Variants in CNTNAP5 observed in about 807,000 individuals in gnomAD.
CNTNAP5 encodes the protein contactin-associated protein-like 5.
Under a neutral mutation model 150.2 loss-of-function variants are expected in CNTNAP5, and 72 were observed. That is an observed-to-expected ratio of 0.48 (90% CI 0.40 to 0.58). The LOEUF is 0.58. Ranked by LOEUF, CNTNAP5 falls within the 20% of genes least tolerant of loss-of-function variation. CNTNAP5 has a pLI of 0.00. For synonymous variants in CNTNAP5, 672 were observed against 619.8 expected (o/e 1.08, Z -1.25); for missense variants, 1,636 against 1,626.2 (o/e 1.01, Z -0.10).
At chr2:124,892,019 A>G (rs1057508086) in intron 21 of CNTNAP5, among the ~76,000 whole-genome samples, 1 of 152,112 alleles carries the variant, frequency 6.6e-6, no homozygotes, top group African/African-American at 2.4e-5. Flanking sequence ...AGGCTATCTA[A>G]GGCTACAGTC....
intron 3 of CNTNAP5, among the ~76,000 whole-genome samples, chr2:124,367,132 T>G (rs7591043): frequency 0.22 from 33,909 of 152,116 alleles, 4,000 homozygotes; most frequent in Middle Eastern, 0.26. Context: ...GAAGGATAAT[T>G]ATTAGTTTCA....
In CNTNAP5 at chr2:124,865,334, C is replaced by T; in HGVS notation, c.3246C>T (p.Asn1082=). Reference sequence around the variant, plus strand: ...GCTTACAGGTTCGCTATCACCTAAACAAGGAAGAAACCCATGTATTCACCA... The same window carrying T: ...GCTTACAGGTTCGCTATCACCTAAATAAGGAAGAAACCCATGTATTCACCA... ...NGSLQVRYHL[N]KEETHVFTID... The change falls in exon 20 of 24, where the codon AAC becomes AAT. Residue 1082 remains asparagine, a synonymous_variant. Transcript: ENST00000682447. The T allele has an allele frequency of 1.3e-6, 2 of 1,564,962 alleles. No homozygotes were observed. Among genetic ancestry groups the T allele is most frequent in the Non-Finnish European group, 1.7e-6 (2 of 1,153,192 alleles).
At chr2:124,334,068 C>T (rs974231072) in intron 3 of CNTNAP5, among the ~76,000 whole-genome samples, 1 of 152,018 alleles carries the variant, frequency 6.6e-6, no homozygotes, top group Non-Finnish European at 1.5e-5. Flanking sequence ...AGCTTCAGAC[C>T]TCAGTGGATG....
At chr2:124,410,360 A>G (rs1241456890) in intron 3 of CNTNAP5, among the ~76,000 whole-genome samples, 2 of 151,836 alleles carry the variant, frequency 1.3e-5, no homozygotes, top group Non-Finnish European at 2.9e-5. Flanking sequence ...AATTGAACTC[A>G]GCTCTGCACC....
chr2:124,107,201 C>T (rs1683188348), intron 1 of CNTNAP5, among the ~76,000 whole-genome samples: 1 of 152,156 alleles, frequency 6.6e-6, no homozygotes, highest in South Asian at 2.1e-4. Flanking sequence ...CCACTATGCT[C>T]TCAGGGCTGG....
At chr2:124,820,484 T>A in intron 19 of CNTNAP5, among the ~76,000 whole-genome samples, 1 of 145,302 alleles carries the variant, frequency 6.9e-6, no homozygotes, top group Non-Finnish European at 1.5e-5. Context: ...AAAAAAACAA[T>A]AAAAATGCAG....
At chr2:124,293,780 G>A (rs1427624218) in intron 3 of CNTNAP5, among the ~76,000 whole-genome samples, 1 of 151,890 alleles carries the variant, frequency 6.6e-6, no homozygotes, top group Non-Finnish European at 1.5e-5. Flanking sequence ...AATTGTCCTA[G>A]TAAAACACCC....
intron 13 of CNTNAP5, among the ~76,000 whole-genome samples, chr2:124,685,060 C>T (rs879003018): frequency 1.3e-5 from 2 of 152,226 alleles, no homozygotes; most frequent in Admixed American, 6.5e-5. Flanking sequence ...AATTAAAACT[C>T]TTCAAAGTAC....
chr2:124,243,684 A>G (rs531722756), intron 3 of CNTNAP5, among the ~76,000 whole-genome samples: 16 of 152,258 alleles, frequency 1.1e-4, no homozygotes, highest in Admixed American at 1.0e-3. Context: ...GGACGGCGAG[A>G]GTCCAAAATC....
At chr2:124,398,282 A>T (rs1041920344) in intron 3 of CNTNAP5, among the ~76,000 whole-genome samples, 1 of 152,120 alleles carries the variant, frequency 6.6e-6, no homozygotes, top group East Asian at 1.9e-4. Context: ...AGGATGAACA[A>T]GGAGAGTGCC....
At chr2:124,138,629 A>G (rs1467906243) in intron 1 of CNTNAP5, among the ~76,000 whole-genome samples, 1 of 152,184 alleles carries the variant, frequency 6.6e-6, no homozygotes, top group Non-Finnish European at 1.5e-5. Flanking sequence ...GAGCATCTGG[A>G]GCTGGAGAGA....
At chr2:124,166,951 C>T (rs1442162197) in intron 1 of CNTNAP5, among the ~76,000 whole-genome samples, 2 of 152,122 alleles carry the variant, frequency 1.3e-5, no homozygotes, top group Admixed American at 6.6e-5. Context: ...GAGTGAATGC[C>T]AATGCACCCC....
intron 6 of CNTNAP5, among the ~76,000 whole-genome samples, chr2:124,469,283 G>A (rs1693449320): frequency 6.6e-6 from 1 of 152,010 alleles, no homozygotes; most frequent in Non-Finnish European, 1.5e-5. Context: ...ATTTTCAATA[G>A]CACTGTGTTT....
intron 2 of CNTNAP5, among the ~76,000 whole-genome samples, chr2:124,239,133 A>G (rs146701684): frequency 2.2e-4 from 33 of 152,256 alleles, no homozygotes; most frequent in Non-Finnish European, 3.7e-4. Context: ...GGAAAAAGGG[A>G]GCTATGATTT....
intron 17 of CNTNAP5, among the ~76,000 whole-genome samples, chr2:124,784,429 GA>G (rs1356634600): frequency 1.3e-5 from 2 of 152,190 alleles, no homozygotes; most frequent in Non-Finnish European, 2.9e-5. Context: ...GACAGTCTTA[GA>G]ATGATGATAG....
intron 19 of CNTNAP5, among the ~76,000 whole-genome samples, chr2:124,862,013 C>T (rs1677535437): frequency 6.6e-6 from 1 of 152,086 alleles, no homozygotes; most frequent in Non-Finnish European, 1.5e-5. Context: ...GGGGTTTCAC[C>T]ATATTGGCCA....
intron 21 of CNTNAP5, among the ~76,000 whole-genome samples, chr2:124,888,566 C>A (rs1366020332): frequency 2.6e-5 from 4 of 152,166 alleles, no homozygotes; most frequent in Admixed American, 2.6e-4. Flanking sequence ...TTTCTACCAA[C>A]AGTGAATAAG....
intron 1 of CNTNAP5, among the ~76,000 whole-genome samples, chr2:124,122,524 C>A (rs1683587510): frequency 6.6e-6 from 1 of 152,110 alleles, no homozygotes; most frequent in African/African-American, 2.4e-5. Context: ...CTCTGTAACC[C>A]TTTTATGAGG....
intron 11 of CNTNAP5, among the ~76,000 whole-genome samples, chr2:124,579,128 C>G (rs1696356818): frequency 6.6e-6 from 1 of 152,286 alleles, no homozygotes; most frequent in South Asian, 2.1e-4. Flanking sequence ...TGTTTTACTC[C>G]TCTTAACATA....
Sources: allele counts gnomAD v4.1 joint callset (sites outside exome capture counted in the v4.1 genomes callset), GRCh38; gene constraint gnomAD v4.1.1; transcripts MANE v1.5; gene names NCBI Gene and HGNC (gene_info 2026-07-23, HGNC 2026-07-21).